The following ATRX variants were observed in gnomAD, a reference collection of about 807,000 sequenced individuals.
ATRX encodes chromatin remodeler ATRX.
ATRX carries 12 observed loss-of-function variants against 172.6 expected under a neutral mutation model. That is an observed-to-expected ratio of 0.07 (90% CI 0.04 to 0.11). The LOEUF (loss-of-function observed/expected upper bound fraction) is 0.11. Among genes scored for constraint, ATRX ranks in the 10% least tolerant of loss-of-function variants. The pLI is 1.00. For synonymous variants in ATRX, 674 were observed against 594.7 expected, an observed-to-expected ratio of 1.13 and a Z score of -1.94; for missense variants, 1,368 against 1,767.4, an observed-to-expected ratio of 0.77 and a Z score of 4.05.
rs1219809304 is a variant in ATRX, at chrX:77,633,105, A to G, written c.5134+102T>C. On this transcript the variant is annotated intron_variant, in intron 19 of 34. Transcript: ENST00000373344. ...CAAAAACCTGAAGGATAACCACAAC[A>G]AAGACCAGATACTTAGTAGCTGTGC... 11 of 880,967 alleles carry G rather than the reference A, an allele frequency of 1.2e-5. No homozygotes were observed. The African/African-American group carries it at 2.0e-4, about 16-fold the overall frequency. The allele number at this position is 880,967 out of a possible 1,213,427, so 72.6% of individuals were successfully genotyped here.
intron 1 of ATRX, among the ~76,000 whole-genome samples, chrX:77,778,488 C>A (rs1401350156): frequency 9.2e-6 from 1 of 109,046 alleles, no homozygotes; most frequent in Non-Finnish European, 1.9e-5. Context: ...TTTGGGAGGC[C>A]AAGGCGGGCG....
At chrX:77,644,232 A>T (rs1557112536) in intron 15 of ATRX, among the ~76,000 whole-genome samples, 1 of 112,999 alleles carries the variant, frequency 8.8e-6, no homozygotes, top group Non-Finnish European at 1.9e-5. Context: ...GTGAGCCACC[A>T]CACCCAGCAG....
intron 22 of ATRX, among the ~76,000 whole-genome samples, chrX:77,610,934 TA>T (rs2067127144): frequency 9.3e-6 from 1 of 107,494 alleles, no homozygotes; most frequent in Non-Finnish European, 1.9e-5. Flanking sequence ...TTCCAGCCAT[TA>T]AAAAAATAAT....
intron 2 of ATRX, among the ~76,000 whole-genome samples, chrX:77,705,190 C>T (rs2072750429): frequency 1.8e-5 from 2 of 111,595 alleles, no homozygotes; most frequent in Non-Finnish European, 3.8e-5. Flanking sequence ...GGGTGGGTCT[C>T]CTGCCTGCTC....
chrX:77,626,497 T>C (rs1157251420), intron 19 of ATRX, among the ~76,000 whole-genome samples: 1 of 111,354 alleles, frequency 9.0e-6, no homozygotes, highest in Non-Finnish European at 1.9e-5. Flanking sequence ...ATATGACAAA[T>C]ATATTACTAA....
chrX:77,660,829 T>TA (rs2069845892), intron 12 of ATRX, among the ~76,000 whole-genome samples: 1 of 110,715 alleles, frequency 9.0e-6, no homozygotes, highest in African/African-American at 3.3e-5. Flanking sequence ...CTCCACTGAA[T>TA]AACCTCAACT....
intron 3 of ATRX, among the ~76,000 whole-genome samples, chrX:77,698,306 A>C (rs782754868): frequency 1.8e-5 from 2 of 111,327 alleles, no homozygotes; most frequent in South Asian, 7.6e-4. Context: ...TCCACCTCAA[A>C]CACCTTTGGG....
intron 31 of ATRX, among the ~76,000 whole-genome samples, 165 bp downstream of exon 31, chrX:77,523,087 A>G (rs1290018435): frequency 1.8e-5 from 2 of 111,615 alleles, no homozygotes; most frequent in African/African-American, 6.5e-5. Flanking sequence ...CTCTACCACT[A>G]AAGGTAGCTG....
intron 6 of ATRX, among the ~76,000 whole-genome samples, chrX:77,692,814 C>G (rs1468353207): frequency 9.2e-6 from 1 of 108,488 alleles, no homozygotes; most frequent in Non-Finnish European, 1.9e-5. Context: ...CCTTCTGATG[C>G]AAACTTTTTA....
chrX:77,760,822 TTC>T (rs2075689414), intron 1 of ATRX, among the ~76,000 whole-genome samples: 1 of 112,012 alleles, frequency 8.9e-6, no homozygotes, highest in Non-Finnish European at 1.9e-5. Context: ...ATATGCTTGC[TTC>T]TGTTTATATT....
chrX:77,715,911 G>A lies in ATRX; in HGVS notation c.133+1220C>T, dbSNP rs145202341. 1.0e-2 allele frequency among the ~76,000 whole-genome samples: 1,096 copies of A among 109,816 alleles called. 5 individuals carry two copies. The highest frequency in any genetic ancestry group is 0.028 in the Middle Eastern group (6 of 214). On this transcript the variant is annotated intron_variant, in intron 2 of 34. Coordinates refer to ENST00000373344, the MANE Select transcript of ATRX (RefSeq NM_000489.6). ...TTGTACATATTGTGTGTGTCTGTGT[G>A]CATGTGTATTGTAGTTACCCTTGAA...
Position 77,644,001 on chromosome X carries a change from G to T in ATRX, c.4558-7945C>A, listed in dbSNP as rs371203032. On this transcript the variant is annotated intron_variant, in intron 15 of 34. Coordinates refer to ENST00000373344, the MANE Select transcript of ATRX (RefSeq NM_000489.6). ...GTCGCCCAGGCTGGAATGCAATGGCGCAATCTTGGCTCACTGCAACCTCTG... is the reference window on the plus strand; with the variant it reads ...GTCGCCCAGGCTGGAATGCAATGGCTCAATCTTGGCTCACTGCAACCTCTG... 9.9e-5 allele frequency among the ~76,000 whole-genome samples: 11 copies of T among 111,202 alleles called. No homozygotes were observed. In the South Asian group the frequency reaches 1.9e-3, roughly 19 times the overall value.
At chrX:77,622,178 C>A (rs2067618885) in intron 19 of ATRX, among the ~76,000 whole-genome samples, 1 of 111,817 alleles carries the variant, frequency 8.9e-6, no homozygotes, top group African/African-American at 3.3e-5. Flanking sequence ...CCCAAAGATA[C>A]TCTTCCACAG....
intron 30 of ATRX, among the ~76,000 whole-genome samples, chrX:77,539,015 C>T (rs1200365793): frequency 9.2e-6 from 1 of 109,112 alleles, no homozygotes; most frequent in African/African-American, 3.4e-5. Flanking sequence ...CTGCCTCAGC[C>T]TCCCGAGTAG....
At chrX:77,631,204 A>G (rs2148327566) in intron 19 of ATRX, among the ~76,000 whole-genome samples, 2 of 110,200 alleles carry the variant, frequency 1.8e-5, no homozygotes, top group Non-Finnish European at 3.8e-5. Flanking sequence ...ATTTGAGCAA[A>G]AAAAAAAAAA....
intron 2 of ATRX, among the ~76,000 whole-genome samples, chrX:77,713,376 C>G (rs1247486034): frequency 1.8e-5 from 2 of 110,816 alleles, no homozygotes; most frequent in African/African-American, 6.6e-5. Context: ...CATCACACAC[C>G]CTGATCTTGA....
At chrX:77,737,150 C>T (rs149386153) in intron 1 of ATRX, among the ~76,000 whole-genome samples, 4,125 of 109,968 alleles carry the variant, frequency 0.038, 112 homozygotes, top group African/African-American at 0.1. Flanking sequence ...TTTGGCCAGG[C>T]GCAGTGGCTC....
chrX:77,635,797 C>T (rs782367780), intron 16 of ATRX, 118 bp downstream of exon 16: 165 of 634,227 alleles, frequency 2.6e-4, no homozygotes, highest in Middle Eastern at 2.1e-3. Context: ...ATTGTGGATT[C>T]CCCACCCCAC....
intron 19 of ATRX, among the ~76,000 whole-genome samples, chrX:77,627,187 CG>C (rs1412136675): frequency 3.8e-4 from 42 of 110,532 alleles, no homozygotes; most frequent in African/African-American, 1.3e-3. Flanking sequence ...GAGCCGAGAT[CG>C]CGCCACTGCG....
Sources: allele counts gnomAD v4.1 joint callset (sites outside exome capture counted in the v4.1 genomes callset), GRCh38; gene constraint gnomAD v4.1.1; transcripts MANE v1.5; gene names NCBI Gene and HGNC (gene_info 2026-07-23, HGNC 2026-07-21).